LUZP2: variants seen among roughly 807,000 people sequenced by gnomAD.
LUZP2 encodes the protein leucine zipper protein 2.
LUZP2 carries 52 observed loss-of-function variants against 51.6 expected under a neutral mutation model. That is an observed-to-expected ratio of 1.01 (90% CI 0.81 to 1.27). LUZP2 has a LOEUF of 1.27. Among genes scored for constraint, LUZP2 ranks in the 50% most tolerant of loss-of-function variants. LUZP2 has a pLI of 0.00. For synonymous variants in LUZP2, 154 were observed against 137.3 expected (o/e 1.12, Z -0.85); for missense variants, 436 against 395.4 (o/e 1.10, Z -0.87).
chr11:24,980,635 A>C (rs1285950991), intron 8 of LUZP2, among the ~76,000 whole-genome samples: 2 of 151,840 alleles, frequency 1.3e-5, no homozygotes, highest in East Asian at 3.9e-4. Context: ...AAAAACAACA[A>C]GATGATTTGA....
rs536148683 is a variant in LUZP2, at chr11:24,712,619, T to C, written c.63-16550T>C. On this transcript the variant is annotated intron_variant, in intron 1 of 11. Transcript: ENST00000336930. ...TGATCAGATATGGAGGGTGATCAAATATTGAGGGTGGAGGTTTTGGTTAAT... is the reference window on the plus strand; with the variant it reads ...TGATCAGATATGGAGGGTGATCAAACATTGAGGGTGGAGGTTTTGGTTAAT... 2.0e-5 allele frequency among the ~76,000 whole-genome samples: 3 copies of C among 152,160 alleles called. No individual in the cohort carries two copies. The East Asian group carries it at 5.8e-4, about 30-fold the overall frequency.
intron 1 of LUZP2, among the ~76,000 whole-genome samples, chr11:24,502,369 T>C (rs1850021413): frequency 6.9e-6 from 1 of 145,342 alleles, no homozygotes; most frequent in South Asian, 2.4e-4. Context: ...CTAGTTTTTT[T>C]CCAAAGTATT....
chr11:25,071,258 A>G (rs1224675717), intron 10 of LUZP2, among the ~76,000 whole-genome samples: 3 of 152,046 alleles, frequency 2.0e-5, no homozygotes, highest in Non-Finnish European at 4.4e-5. Flanking sequence ...ACATATATTT[A>G]TATGTCTATT....
intron 5 of LUZP2, among the ~76,000 whole-genome samples, chr11:24,840,760 G>A (rs546748698): frequency 6.6e-6 from 1 of 151,990 alleles, no homozygotes; most frequent in East Asian, 1.9e-4. Context: ...CAGAAAGCAT[G>A]TCTCCATATT....
intron 5 of LUZP2, among the ~76,000 whole-genome samples, chr11:24,769,564 C>T (rs952580057): frequency 4.6e-5 from 7 of 151,768 alleles, no homozygotes. Context: ...AAAATTTAAA[C>T]TAGTTTCTGA....
At chr11:24,706,838 T>G (rs1857602383) in intron 1 of LUZP2, among the ~76,000 whole-genome samples, 1 of 152,086 alleles carries the variant, frequency 6.6e-6, no homozygotes, top group Non-Finnish European at 1.5e-5. Context: ...TTCCCTTTTC[T>G]GTCATCTCCA....
At chr11:24,915,387 A>G (rs1565100389) in intron 7 of LUZP2, among the ~76,000 whole-genome samples, 1 of 152,064 alleles carries the variant, frequency 6.6e-6, no homozygotes. Context: ...CGCTAAAGAT[A>G]TACATATTGT....
chr11:24,672,598 T>C (rs1263274506), intron 1 of LUZP2, among the ~76,000 whole-genome samples: 1 of 152,168 alleles, frequency 6.6e-6, no homozygotes, highest in East Asian at 1.9e-4. Context: ...TGTCTTTGCT[T>C]TCTGTGTTCA....
chr11:24,658,749 A>T (rs769995382), intron 1 of LUZP2, among the ~76,000 whole-genome samples: 1 of 152,206 alleles, frequency 6.6e-6, no homozygotes, highest in Non-Finnish European at 1.5e-5. Context: ...CCCCATCAAA[A>T]AGTCAATGAA....
intron 5 of LUZP2, among the ~76,000 whole-genome samples, chr11:24,790,592 C>T (rs543852896): frequency 6.3e-4 from 96 of 152,128 alleles, no homozygotes; most frequent in African/African-American, 2.2e-3. Flanking sequence ...ACCTCTGCCT[C>T]GGGGGTTCAA....
At chr11:24,498,701 A>AATACAGTTATGCATC (rs1849903107) in intron 1 of LUZP2, among the ~76,000 whole-genome samples, 1 of 152,218 alleles carries the variant, frequency 6.6e-6, no homozygotes, top group Non-Finnish European at 1.5e-5. Flanking sequence ...GTTAGCTCTC[A>AATACAGTTATGCATC]ACAGTTCAAT....
chr11:24,921,460 C>A (rs1010152183), intron 7 of LUZP2, among the ~76,000 whole-genome samples: 4 of 151,986 alleles, frequency 2.6e-5, no homozygotes, highest in Non-Finnish European at 2.9e-5. Context: ...GCACAGGTGG[C>A]GACAAGGAGA....
intron 4 of LUZP2, among the ~76,000 whole-genome samples, chr11:24,759,808 C>G (rs141331331): frequency 1.1e-3 from 170 of 152,212 alleles, no homozygotes; most frequent in Non-Finnish European, 1.9e-3. Context: ...GGGTTAGGTT[C>G]TACTTGGTGT....
intron 7 of LUZP2, among the ~76,000 whole-genome samples, chr11:24,964,306 C>A (rs1855517274): frequency 6.6e-6 from 1 of 151,988 alleles, no homozygotes; most frequent in South Asian, 2.1e-4. Context: ...TATATAATCT[C>A]AGAAAAAGAG....
intron 1 of LUZP2, among the ~76,000 whole-genome samples, chr11:24,568,362 A>AAAC (rs1852315491): frequency 6.7e-6 from 1 of 148,812 alleles, no homozygotes. Flanking sequence ...TCAGAAAAAA[A>AAAC]AAAAAAAAAA....
chr11:24,751,020 G>T (rs1024046197), intron 4 of LUZP2, among the ~76,000 whole-genome samples: 6 of 152,030 alleles, frequency 3.9e-5, no homozygotes, highest in Non-Finnish European at 5.9e-5. Context: ...TTCATTCCAA[G>T]AATACTTATT....
At chr11:24,975,889 G>C (rs1855868873) in intron 7 of LUZP2, among the ~76,000 whole-genome samples, 1 of 151,888 alleles carries the variant, frequency 6.6e-6, no homozygotes. Flanking sequence ...TAGTACATTT[G>C]TCTGCTTGGG....
chr11:24,982,100 T>C (rs1856049115), intron 8 of LUZP2, among the ~76,000 whole-genome samples: 1 of 151,758 alleles, frequency 6.6e-6, no homozygotes, highest in Non-Finnish European at 1.5e-5. Context: ...TATTAAAAAG[T>C]TAAAAAATAA....
intron 5 of LUZP2, among the ~76,000 whole-genome samples, chr11:24,900,014 C>T (rs1409127857): frequency 6.6e-6 from 1 of 152,152 alleles, no homozygotes; most frequent in Non-Finnish European, 1.5e-5. Flanking sequence ...ATGAACTTCA[C>T]CATCTTTGCC....
Sources: allele counts gnomAD v4.1 joint callset (sites outside exome capture counted in the v4.1 genomes callset), GRCh38; gene constraint gnomAD v4.1.1; transcripts MANE v1.5; gene names NCBI Gene and HGNC (gene_info 2026-07-23, HGNC 2026-07-21).